GNG7: variants seen among roughly 807,000 people sequenced by gnomAD.
GNG7 encodes G protein subunit gamma 7.
A neutral mutation model predicts 4.0 loss-of-function variants in GNG7; 1 was observed. The ratio of observed to expected loss-of-function variants is 0.25; its 90% CI spans 0.09 to 1.18. The LOEUF is 1.18. Among genes scored for constraint, GNG7 ranks in the 50% most tolerant of loss-of-function variants. The pLI, the probability that GNG7 is intolerant of heterozygous loss-of-function variation, is 0.50. For synonymous variants in GNG7, 34 were observed against 36.9 expected (o/e 0.92, Z 0.29); for missense variants, 86 against 91.9 (o/e 0.94, Z 0.26).
At chr19:2,577,495 T>A (rs1225997889) in intron 2 of GNG7, among the ~76,000 whole-genome samples, 2 of 152,000 alleles carry the variant, frequency 1.3e-5, no homozygotes, top group Non-Finnish European at 2.9e-5. Flanking sequence ...GCTCACTTCT[T>A]CACACCAGGA....
chr19:2,700,032 T>C (rs1369560984), intron 1 of GNG7, among the ~76,000 whole-genome samples: 1 of 152,134 alleles, frequency 6.6e-6, no homozygotes, highest in Non-Finnish European at 1.5e-5. Flanking sequence ...TTTTACTCAC[T>C]TTTAATAATA....
In GNG7 at chr19:2,546,859, C is replaced by T. The variant is rs1013514754; in HGVS notation, c.-38+8290G>A. ...AGTTTGCAAGCCCGGGAACCGGGGC[C>T]GGGCCAGGACACTGAACCCCGTGGC... On this transcript the variant is annotated intron_variant, in intron 3 of 4. Transcript: ENST00000382159. The surrounding 1 kb of genome is among the most constrained non-coding windows in gnomAD (Gnocchi z 6.3). Among the ~76,000 whole-genome samples, 3 of 152,132 alleles carry T rather than the reference C, an allele frequency of 2.0e-5. No individual in the cohort carries two copies. The highest frequency in any genetic ancestry group is 6.5e-5 in the Admixed American group (1 of 15,274).
Position 2,617,115 on chromosome 19 carries a change from A to G in GNG7, c.-78+29109T>C, listed in dbSNP as rs984952129. On this transcript the variant is annotated intron_variant, in intron 2 of 4. Transcript: ENST00000382159. The surrounding 1 kb of genome is among the most constrained non-coding windows in gnomAD (Gnocchi z 4.7). ...CGTTAACCCAAAGTCTCTGACGTTC[A>G]GGGCTGGATCATTCTCTGGGATGGG... 1.3e-5 allele frequency among the ~76,000 whole-genome samples: 2 copies of G among 152,224 alleles called. No individual in the cohort carries two copies. The highest frequency in any genetic ancestry group is 4.8e-5 in the African/African-American group (2 of 41,464).
At chr19:2,599,966 T>C (rs1403280673) in intron 2 of GNG7, among the ~76,000 whole-genome samples, 2 of 151,500 alleles carry the variant, frequency 1.3e-5, no homozygotes, top group Admixed American at 1.3e-4. Flanking sequence ...ATTGTGGTAA[T>C]GGTTACACAA....
At chr19:2,668,419 A>C (rs1289479449) in intron 1 of GNG7, among the ~76,000 whole-genome samples, 1 of 152,128 alleles carries the variant, frequency 6.6e-6, no homozygotes, top group African/African-American at 2.4e-5. Flanking sequence ...GCGCTTATGA[A>C]AAGAATGGGA....
chr19:2,580,564 T>A (rs559457693), intron 2 of GNG7, among the ~76,000 whole-genome samples: 1 of 151,964 alleles, frequency 6.6e-6, no homozygotes, highest in African/African-American at 2.4e-5. Context: ...GTGCTGGGAT[T>A]GCAGGCATGA....
At chr19:2,701,620 T>G (rs1177417714) in intron 1 of GNG7, among the ~76,000 whole-genome samples, 11 of 97,364 alleles carry the variant, frequency 1.1e-4, no homozygotes, top group East Asian at 3.2e-4. Context: ...ACCAACCCCA[T>G]TCCTCAGTCC....
intron 1 of GNG7, among the ~76,000 whole-genome samples, chr19:2,696,292 G>GAAAGAAAGAA (rs1555705039): frequency 3.0e-4 from 33 of 108,606 alleles, no homozygotes; most frequent in Middle Eastern, 4.5e-3. Context: ...AAGAGAGAGA[G>GAAAGAAAGAA]AGAAAGAAAG....
At chr19:2,646,477 G>T (rs1982670358) in intron 1 of GNG7, among the ~76,000 whole-genome samples, 197 bp from the exon 2 acceptor site, 1 of 152,222 alleles carries the variant, frequency 6.6e-6, no homozygotes, top group Non-Finnish European at 1.5e-5. Flanking sequence ...CATGAGGTCA[G>T]AAGTTCGAGA....
chr19:2,599,475 G>C (rs1981134437), intron 2 of GNG7, among the ~76,000 whole-genome samples: 1 of 151,954 alleles, frequency 6.6e-6, no homozygotes, highest in Non-Finnish European at 1.5e-5. Context: ...ACCTGGGAGG[G>C]GGGCCCTCGG....
At chr19:2,628,743 G>T (rs563281914) in intron 2 of GNG7, among the ~76,000 whole-genome samples, 1 of 151,944 alleles carries the variant, frequency 6.6e-6, no homozygotes, top group East Asian at 1.9e-4. Context: ...TTGACACCTC[G>T]GGATGTGCTT....
rs1972708472 is a variant in GNG7, at chr19:2,514,867, G to A, written c.*155C>T. ...GCGGTGGGAACGCCTTTTTTGGCGGGGAGAGGGGGGATTTCTTTTGGAATT... is the reference window on the plus strand; with the variant it reads ...GCGGTGGGAACGCCTTTTTTGGCGGAGAGAGGGGGGATTTCTTTTGGAATT... On this transcript the variant is annotated 3_prime_UTR_variant, in exon 5 of 5. Transcript: ENST00000382159. 3.1e-6 allele frequency: 2 copies of A among 635,636 alleles called. No individual in the cohort carries two copies. Among genetic ancestry groups the A allele is most frequent in the African/African-American group, 1.8e-5 (1 of 54,420 alleles). 39.4% of individuals were successfully genotyped at this position (635,636 alleles called of 1,614,324 possible). A position where few individuals can be genotyped will look rare whatever the true frequency, so the allele number is the denominator to read the frequency against.
intron 2 of GNG7, chr19:2,643,071 A>C (rs1329017136): frequency 6.7e-6 from 3 of 446,746 alleles, no homozygotes; most frequent in Non-Finnish European, 1.3e-5. Flanking sequence ...CGGGCTCTGC[A>C]CACCTTTCCG....
chr19:2,542,107 C>CTTT lies in GNG7; in HGVS notation c.-38+13039_-38+13041dup, dbSNP rs1175526574. 4.0e-3 allele frequency among the ~76,000 whole-genome samples: 258 copies of CTTT among 64,562 alleles called. 9 individuals are homozygous for CTTT. Among genetic ancestry groups the CTTT allele is most frequent in the African/African-American group, 6.9e-3 (103 of 14,904 alleles). The allele number at this position is 64,562 out of a possible 152,430, so 42.4% of individuals were successfully genotyped here. A position where few individuals can be genotyped will look rare whatever the true frequency, so the allele number is the denominator to read the frequency against. Reference sequence around the variant, plus strand: ...CTCATGGGAGGCAGCGCTGTGTGTTCTTTTTTTTTTTTTTTTTTTTTTTTT... The same window carrying CTTT: ...CTCATGGGAGGCAGCGCTGTGTGTTCTTTTTTTTTTTTTTTTTTTTTTTTTTTT... On this transcript the variant is annotated intron_variant, in intron 3 of 4. Transcript: ENST00000382159.
intron 2 of GNG7, among the ~76,000 whole-genome samples, chr19:2,598,831 G>T (rs1981114373): frequency 6.6e-6 from 1 of 151,950 alleles, no homozygotes; most frequent in Admixed American, 6.6e-5. Context: ...TGTCTCAAAA[G>T]AAGGTGATCA....
At position 2,511,956 on chromosome 19, in the gene GNG7, GGCCTGGCCC is replaced by G. The variant is rs1305915744; in HGVS notation, c.*3057_*3065del. ...CCCAGGTGGGTCACAACAGGGTCGG[GGCCTGGCCC>G]GCTGTGGCCCTTCACCTGGCTACTG... On this transcript the variant is annotated 3_prime_UTR_variant, in exon 5 of 5. Transcript: ENST00000382159. The surrounding 1 kb of genome is among the most constrained non-coding windows in gnomAD (Gnocchi z 6.3). 1.5e-5 allele frequency: 15 copies of G among 985,798 alleles called. No individual in the cohort carries two copies. Among genetic ancestry groups the G allele is most frequent in the Non-Finnish European group, 1.8e-5 (15 of 830,008 alleles). 61.1% of individuals were successfully genotyped at this position (985,798 alleles called of 1,614,324 possible).
rs763322180 is a variant in GNG7 at position 2,538,095 on chromosome 19, C to CAAA, written c.-38+17051_-38+17053dup. ...CTCTCTCAAACAAAACAAAACAAAA[C>CAAA]AAAACAAAACAACAATGAATGGAGA... On this transcript the variant is annotated intron_variant, in intron 3 of 4. Transcript: ENST00000382159. The CAAA allele has an allele frequency of 2.4e-3, 1,070 of 454,776 alleles. 16 individuals are homozygous for CAAA. The highest frequency in any genetic ancestry group is 1.2e-3 in the Non-Finnish European group (275 of 226,146). 28.2% of individuals were successfully genotyped at this position (454,776 alleles called of 1,614,324 possible). A position where few individuals can be genotyped will look rare whatever the true frequency, so the allele number is the denominator to read the frequency against.
At chr19:2,638,977 C>T (rs998925989) in intron 2 of GNG7, among the ~76,000 whole-genome samples, 1 of 152,132 alleles carries the variant, frequency 6.6e-6, no homozygotes, top group African/African-American at 2.4e-5. Flanking sequence ...GTGGCTCACA[C>T]CTGTATCCCA....
chr19:2,596,667 C>CA (rs1350084728), intron 2 of GNG7, among the ~76,000 whole-genome samples: 1 of 150,166 alleles, frequency 6.7e-6, no homozygotes, highest in South Asian at 2.1e-4. Context: ...AGACCCTGTC[C>CA]CCCCCCCAAA....
Sources: gnomAD v4.1 joint callset for allele counts (sites outside exome capture counted in the v4.1 genomes callset) on GRCh38, gnomAD v4.1.1 for gene constraint, Gnocchi (gnomAD v3.1) non-coding constraint, MANE v1.5 for transcripts, NCBI Gene and HGNC (gene_info 2026-07-23, HGNC 2026-07-21) for gene names.